NEMP2: variants seen among roughly 807,000 people sequenced by gnomAD.
The protein encoded by NEMP2 is nuclear envelope integral membrane protein 2.
NEMP2 carries 53 observed loss-of-function variants against 54.2 expected under a neutral mutation model. The ratio of observed to expected loss-of-function variants is 0.98; its 90% confidence interval spans 0.78 to 1.23. The LOEUF (loss-of-function observed/expected upper bound fraction) is 1.23. Ranked by LOEUF, NEMP2 falls within the 50% of genes most tolerant of loss-of-function variation. NEMP2 has a pLI of 0.00. For missense variants in NEMP2, 455 were observed against 511.3 expected (o/e 0.89, Z 1.06); for synonymous variants, 197 against 190.3 (o/e 1.04, Z -0.29).
chr2:190,495,117 A>G, the NEMP2 span, among the ~76,000 whole-genome samples: 8 of 152,184 alleles, frequency 5.3e-5, no homozygotes, highest in Non-Finnish European at 1.2e-4. The surrounding 1 kb of genome is among the most constrained non-coding windows in gnomAD (Gnocchi z 4.7). Flanking sequence ...ACTCCTCCTA[A>G]AAGCTCTTAG....
chr2:190,474,708 T>C, the NEMP2 span, among the ~76,000 whole-genome samples: 2 of 152,206 alleles, frequency 1.3e-5, no homozygotes, highest in African/African-American at 4.8e-5. Context: ...CCTCCCTAAC[T>C]CATTTTATGA....
chr2:190,466,657 C>G, the NEMP2 span, among the ~76,000 whole-genome samples: 1 of 152,166 alleles, frequency 6.6e-6, no homozygotes, highest in African/African-American at 2.4e-5. Flanking sequence ...CTACAGAATA[C>G]ATGTTTTTAT....
the NEMP2 span, among the ~76,000 whole-genome samples, chr2:190,472,461 T>C: frequency 1.3e-5 from 2 of 152,208 alleles, no homozygotes; most frequent in Admixed American, 1.3e-4. Context: ...AGTAGCTGAT[T>C]TGATCATCTG....
the NEMP2 span, among the ~76,000 whole-genome samples, chr2:190,558,665 G>A: frequency 6.6e-6 from 1 of 152,200 alleles, no homozygotes; most frequent in African/African-American, 2.4e-5. This position sits in a 1 kb window ranked among gnomAD's most constrained non-coding sequence, Gnocchi z 4.4. Context: ...GAGAAGGAGT[G>A]AAGAGAAGTA....
the NEMP2 span, among the ~76,000 whole-genome samples, chr2:190,596,881 A>G: frequency 1.3e-5 from 2 of 152,340 alleles, no homozygotes; most frequent in South Asian, 2.1e-4. The surrounding 1 kb of genome is among the most constrained non-coding windows in gnomAD (Gnocchi z 5.1). Flanking sequence ...TCATTCACCC[A>G]TGAATATATA....
chr2:190,429,905 GA>G, the NEMP2 span, among the ~76,000 whole-genome samples: 2 of 151,574 alleles, frequency 1.3e-5, no homozygotes, highest in African/African-American at 4.9e-5. Context: ...GTGCAGATTT[GA>G]TACATATGTA....
the NEMP2 span, among the ~76,000 whole-genome samples, chr2:190,634,758 T>C: frequency 2.6e-5 from 4 of 152,236 alleles, no homozygotes; most frequent in African/African-American, 9.6e-5. This position sits in a 1 kb window ranked among gnomAD's most constrained non-coding sequence, Gnocchi z 6.8. Flanking sequence ...GATGAGCTAC[T>C]GCTGTCAGCT....
chr2:190,570,472 A>G, the NEMP2 span, among the ~76,000 whole-genome samples: 3,830 of 152,296 alleles, frequency 0.025, 89 homozygotes, highest in Non-Finnish European at 0.034. This position sits in a 1 kb window ranked among gnomAD's most constrained non-coding sequence, Gnocchi z 5.4. Context: ...GTCTTCAGGG[A>G]TCCTGGTTCC....
chr2:190,499,715 A>G (rs1689924085), downstream of NEMP2: 1 of 1,137,394 alleles, frequency 8.8e-7, no homozygotes, highest in South Asian at 1.4e-5. This position sits in a 1 kb window ranked among gnomAD's most constrained non-coding sequence, Gnocchi z 6.0. Flanking sequence ...GGGCTCAGTA[A>G]ATATTTGCTG....
the NEMP2 span, among the ~76,000 whole-genome samples, chr2:190,457,996 C>T: frequency 9.2e-5 from 14 of 152,120 alleles, no homozygotes; most frequent in East Asian, 1.9e-4. The surrounding 1 kb of genome is among the most constrained non-coding windows in gnomAD (Gnocchi z 5.1). Context: ...GTACAAAATG[C>T]GAAGAGTCCT....
At chr2:190,532,786 A>G (rs1691193735) in intron 1 of NEMP2, among the ~76,000 whole-genome samples, 1 of 152,228 alleles carries the variant, frequency 6.6e-6, no homozygotes. Context: ...TATGGTTCTT[A>G]AGCCTAGTCT....
the NEMP2 span, among the ~76,000 whole-genome samples, chr2:190,549,058 TTATGA>T: frequency 1.3e-3 from 200 of 152,360 alleles, no homozygotes; most frequent in Non-Finnish European, 1.7e-3. Context: ...TCTCTTTTCC[TTATGA>T]TATATCTATT....
At chr2:190,430,921 G>A in the NEMP2 span, among the ~76,000 whole-genome samples, 85 of 142,604 alleles carry the variant, frequency 6.0e-4, no homozygotes, top group Non-Finnish European at 9.7e-4. Flanking sequence ...GGTGGCTGCC[G>A]GGCGGAGGGG....
At chr2:190,436,065 T>C in the NEMP2 span, 1 of 1,613,764 alleles carries the variant, frequency 6.2e-7, no homozygotes, top group Non-Finnish European at 8.5e-7. The surrounding 1 kb of genome is among the most constrained non-coding windows in gnomAD (Gnocchi z 5.3). Flanking sequence ...TAACGGATGA[T>C]GAAGAGGAAC....
At chr2:190,440,699 A>G in the NEMP2 span, among the ~76,000 whole-genome samples, 1 of 152,210 alleles carries the variant, frequency 6.6e-6, no homozygotes, top group Non-Finnish European at 1.5e-5. Context: ...TATTCAATCA[A>G]TCTGTGACTT....
chr2:190,617,958 T>A, the NEMP2 span, among the ~76,000 whole-genome samples: 11 of 152,322 alleles, frequency 7.2e-5, no homozygotes, highest in East Asian at 1.9e-3. The surrounding 1 kb of genome is among the most constrained non-coding windows in gnomAD (Gnocchi z 5.0). Flanking sequence ...ACTATGACAT[T>A]AGCTACTGCC....
chr2:190,472,275 G>A, the NEMP2 span, among the ~76,000 whole-genome samples: 2 of 152,060 alleles, frequency 1.3e-5, no homozygotes, highest in Non-Finnish European at 2.9e-5. Flanking sequence ...GGCTTCAGAC[G>A]ATCAAACTAC....
the NEMP2 span, among the ~76,000 whole-genome samples, chr2:190,602,018 T>C: frequency 3.9e-5 from 6 of 152,134 alleles, 1 homozygote; most frequent in Admixed American, 2.0e-4. Context: ...CTGGCTAAAA[T>C]GAACACACAG....
the NEMP2 span, among the ~76,000 whole-genome samples, chr2:190,644,147 C>CTCAA: frequency 1.3e-5 from 2 of 151,774 alleles, no homozygotes; most frequent in African/African-American, 4.8e-5. The surrounding 1 kb of genome is among the most constrained non-coding windows in gnomAD (Gnocchi z 4.4). Flanking sequence ...AGGCTCTGAG[C>CTCAA]TGAAGCCTGT....
Sources: allele counts gnomAD v4.1 joint callset (sites outside exome capture counted in the v4.1 genomes callset), GRCh38; gene constraint gnomAD v4.1.1; non-coding constraint Gnocchi (gnomAD v3.1); transcripts MANE v1.5; gene names NCBI Gene and HGNC (gene_info 2026-07-23, HGNC 2026-07-21).